Variants in SLC6A13 observed in about 807,000 individuals in gnomAD.
The protein encoded by SLC6A13 is sodium- and chloride-dependent GABA transporter 2.
A neutral mutation model predicts 72.9 loss-of-function variants in SLC6A13; 69 were observed. The observed-to-expected ratio is 0.95, with a 90% CI of 0.78 to 1.16. The LOEUF (loss-of-function observed/expected upper bound fraction) is 1.16. SLC6A13 is among the 50% of genes most tolerant of loss of function. The probability of loss-of-function intolerance (pLI) is 0.00; values close to 1 mark genes in which losing one functional copy is unlikely to be tolerated. For synonymous variants in SLC6A13, 303 were observed against 303.0 expected (o/e 1.00, Z 0.00); for missense variants, 735 against 760.5 (o/e 0.97, Z 0.39).
chr12:260,087 G>A, intron 1 of SLC6A13, 30 bp from the exon 2 acceptor site: 1 of 1,598,090 alleles, frequency 6.3e-7, no homozygotes, highest in Non-Finnish European at 8.6e-7. Flanking sequence ...CTCTGTTACT[G>A]TTGGGAACCC....
At chr12:233,224 G>T (rs561825974) in intron 7 of SLC6A13, among the ~76,000 whole-genome samples, 1 of 152,156 alleles carries the variant, frequency 6.6e-6, no homozygotes, top group Non-Finnish European at 1.5e-5. Flanking sequence ...GGGCATAACC[G>T]GGTAACAACA....
At position 224,283 on chromosome 12, in the gene SLC6A13, C is replaced by T; in HGVS notation, c.1173+118G>A. On this transcript the variant is annotated intron_variant, in intron 10 of 14. Coordinates refer to ENST00000343164, the MANE Select transcript of SLC6A13 (RefSeq NM_016615.5). Reference sequence around the variant, plus strand: ...CTTGCCTGGTTAGGTCAGGACTCACCCTCAAGCTCCTGTGTCCCCAAAAGG... The same window carrying T: ...CTTGCCTGGTTAGGTCAGGACTCACTCTCAAGCTCCTGTGTCCCCAAAAGG... 2.3e-6 allele frequency: 3 copies of T among 1,329,284 alleles called. No homozygotes were observed. In the East Asian group the frequency reaches 7.1e-5, roughly 31 times the overall value. 82.3% of individuals were successfully genotyped at this position (1,329,284 alleles called of 1,614,324 possible). A position where few individuals can be genotyped will look rare whatever the true frequency, so the allele number is the denominator to read the frequency against.
chr12:226,797 C>A (rs899405525), intron 8 of SLC6A13: 11 of 292,544 alleles, frequency 3.8e-5, no homozygotes, highest in African/African-American at 2.4e-4. Flanking sequence ...TGTGACAAAC[C>A]GCCACACAGC....
chr12:232,910 T>C (rs1941770253), intron 7 of SLC6A13, among the ~76,000 whole-genome samples: 1 of 152,240 alleles, frequency 6.6e-6, no homozygotes, highest in Non-Finnish European at 1.5e-5. Context: ...GGCTTCCGGA[T>C]AGCCTGACAT....
At chr12:250,299 C>T (rs1379510842) in intron 2 of SLC6A13, among the ~76,000 whole-genome samples, 1 of 151,932 alleles carries the variant, frequency 6.6e-6, no homozygotes, top group Non-Finnish European at 1.5e-5. Context: ...GCCAATAAGG[C>T]AAGATAAGGA....
At chr12:241,284 C>A (rs926854898) in intron 4 of SLC6A13, among the ~76,000 whole-genome samples, 1 of 151,872 alleles carries the variant, frequency 6.6e-6, no homozygotes, top group Non-Finnish European at 1.5e-5. Flanking sequence ...GCCTGGGCGA[C>A]CGAGCGAGAC....
rs1941264831 is a variant in SLC6A13 at position 222,711 on chromosome 12, G to A, written c.1415-79C>T. 4 of 821,232 alleles carry A rather than the reference G, an allele frequency of 4.9e-6. No individual in the cohort carries two copies. The South Asian group carries it at 6.3e-5, about 13-fold the overall frequency. 50.9% of individuals were successfully genotyped at this position (821,232 alleles called of 1,614,324 possible). ...GGACATCAGGATGGGGCCACAAACAGACCAGAATGGGCAGGGACCCATAAA... is the reference window on the plus strand; with the variant it reads ...GGACATCAGGATGGGGCCACAAACAAACCAGAATGGGCAGGGACCCATAAA... On this transcript the variant is annotated intron_variant, in intron 12 of 14. Coordinates refer to ENST00000343164, the MANE Select transcript of SLC6A13 (RefSeq NM_016615.5).
At chr12:231,831 C>T (rs149776920) in intron 7 of SLC6A13, among the ~76,000 whole-genome samples, 188 of 152,294 alleles carry the variant, frequency 1.2e-3, no homozygotes, top group African/African-American at 4.3e-3. Context: ...GGAACAGATC[C>T]GGCACATAGT....
chr12:225,591 A>T (rs2137255857), intron 9 of SLC6A13, among the ~76,000 whole-genome samples: 1 of 152,126 alleles, frequency 6.6e-6, no homozygotes, highest in South Asian at 2.1e-4. Flanking sequence ...CGGAGGTTGC[A>T]GTGAGCCGAG....
At position 259,918 on chromosome 12, in the gene SLC6A13, C is replaced by T; in HGVS notation, c.135G>A (p.Val45=). 2 of 1,614,232 alleles carry T rather than the reference C, an allele frequency of 1.2e-6. No homozygotes were observed. Among genetic ancestry groups the T allele is most frequent in the Non-Finnish European group, 8.5e-7 (1 of 1,180,024 alleles). The change falls in exon 2 of 15, where the codon GTG becomes GTA. Residue 45 remains valine (V), a synonymous_variant. Transcript: ENST00000343164. ...WNNKMEFVLS[V]AGEIIGLGNV... The stretch of plus-strand genomic sequence containing the variant: ...TGCCTAAGCCAATGATCTCCCCAGC[C>T]ACTGACAGCACAAACTCCATCTTGT...
intron 7 of SLC6A13, among the ~76,000 whole-genome samples, chr12:232,508 G>C (rs1941752274): frequency 6.6e-6 from 1 of 152,188 alleles, no homozygotes; most frequent in South Asian, 2.1e-4. Context: ...GATACCCTTT[G>C]CCTGGTCTGC....
chr12:241,170 G>A (rs1942151884), intron 4 of SLC6A13, among the ~76,000 whole-genome samples: 1 of 152,112 alleles, frequency 6.6e-6, no homozygotes. Flanking sequence ...CGGGCGTGTT[G>A]GCAGGCGCCT....
At chr12:236,915 G>T (rs899477484) in intron 6 of SLC6A13, 3 of 425,882 alleles carry the variant, frequency 7.0e-6, no homozygotes, top group Non-Finnish European at 4.2e-6. Context: ...CCCATCGTCA[G>T]TTCCAAGATC....
intron 2 of SLC6A13, chr12:256,639 C>T (rs527985782): frequency 3.3e-5 from 5 of 152,266 alleles, no homozygotes; most frequent in East Asian, 1.9e-4. Context: ...CACATGTTGA[C>T]GCTGGAAGAA....
chr12:247,912 G>GTA (rs1215009186), intron 2 of SLC6A13, among the ~76,000 whole-genome samples: 4 of 152,042 alleles, frequency 2.6e-5, no homozygotes, highest in Non-Finnish European at 4.4e-5. Context: ...AGTTAAAGAT[G>GTA]TATACTACAA....
Position 242,705 on chromosome 12 carries a change from G to A in SLC6A13, c.387C>T (p.Tyr129=), listed in dbSNP as rs1311304879. Residue 129 remains tyrosine (Y), a synonymous_variant, in exon 4 of 15, where the codon TAC becomes TAT. Transcript: ENST00000343164. ...QMIVILLNVY[Y]IIVLAWALFY... Reference sequence around the variant, plus strand: ...ACAGGGCCCAGGCCAACACAATGATGTAGTAGACGTTGAGGAGGATGACGA... The same window carrying A: ...ACAGGGCCCAGGCCAACACAATGATATAGTAGACGTTGAGGAGGATGACGA... 2 of 1,607,084 alleles carry A rather than the reference G, an allele frequency of 1.2e-6. No individual in the cohort carries two copies. Among genetic ancestry groups the A allele is most frequent in the Admixed American group, 3.4e-5 (2 of 58,886 alleles).
At chr12:227,943 A>G (rs772686887) in intron 7 of SLC6A13, among the ~76,000 whole-genome samples, 4 of 152,174 alleles carry the variant, frequency 2.6e-5, no homozygotes, top group South Asian at 2.1e-4. Context: ...GGAAGCGTGT[A>G]GGAGGGTGGG....
At position 227,595 on chromosome 12, in the gene SLC6A13, C is replaced by G; in HGVS notation, c.905G>C (p.Ser302Thr). 6.2e-7 allele frequency: 1 copy of G among 1,613,982 alleles called. No homozygotes were observed. The highest frequency in any genetic ancestry group is 8.5e-7 in the Non-Finnish European group (1 of 1,179,898). ...GCAGTTGTTGTGGTACTTGTTGTAG[C>G]TGCCCAGGGCTGTCAGGCACCCAAG... ...ICLGCLTALGSYNKYHNNCYR... is the reference protein window; with the variant it reads ...ICLGCLTALGTYNKYHNNCYR... The change falls in exon 8 of 15, where the codon AGC becomes ACC. Residue 302 changes from serine to threonine, a missense_variant. Ser to Thr is a moderately conservative substitution (Grantham distance 58). Coordinates refer to ENST00000343164, the MANE Select transcript of SLC6A13 (RefSeq NM_016615.5).
At chr12:242,828 G>A in intron 3 of SLC6A13, 74 bp from the exon 4 acceptor site, 1 of 1,405,654 alleles carries the variant, frequency 7.1e-7, no homozygotes, top group Non-Finnish European at 9.7e-7. Context: ...CAGCTATGCG[G>A]GACGCTGAGG....
Sources: gnomAD v4.1 joint callset for allele counts (sites outside exome capture counted in the v4.1 genomes callset) on GRCh38, gnomAD v4.1.1 for gene constraint, MANE v1.5 for transcripts, NCBI Gene and HGNC (gene_info 2026-07-23, HGNC 2026-07-21) for gene names.